Variants in ADAMTS7 observed in about 807,000 individuals in gnomAD.
ADAMTS7 encodes the protein ADAM metallopeptidase with thrombospondin type 1 motif 7.
In ADAMTS7, 89 loss-of-function variants were observed where a neutral mutation model predicts 172.6. That is an observed-to-expected ratio of 0.52 (90% CI 0.43 to 0.61). The LOEUF (loss-of-function observed/expected upper bound fraction) is 0.61. ADAMTS7 is among the 20% of genes least tolerant of loss of function. The probability of loss-of-function intolerance (pLI) is 0.00; values close to 1 mark genes in which losing one functional copy is unlikely to be tolerated. For synonymous variants in ADAMTS7, 885 were observed against 978.4 expected (o/e 0.90, Z 1.78); for missense variants, 1,973 against 2,355.6 (o/e 0.84, Z 3.36).
Position 78,767,734 on chromosome 15 carries a change from G to A in ADAMTS7, c.2646-142C>T, listed in dbSNP as rs2055180378. On this transcript the variant is annotated intron_variant, in intron 17 of 23. Transcript: ENST00000388820. ...TGAGGCCAGTGGTTGATTCTCCAGA[G>A]CTCCAAGCTCAGGTAAGTGTCCTGC... 1.4e-5 allele frequency: 11 copies of A among 786,002 alleles called. No individual in the cohort carries two copies. In the South Asian group the frequency reaches 2.0e-4, roughly 14 times the overall value. 48.7% of individuals were successfully genotyped at this position (786,002 alleles called of 1,614,324 possible).
intron 4 of ADAMTS7, among the ~76,000 whole-genome samples, chr15:78,793,081 C>G (rs1241862698): frequency 1.3e-5 from 2 of 152,180 alleles, no homozygotes; most frequent in South Asian, 2.1e-4. Flanking sequence ...GAGCTTAACA[C>G]GTACAGTCCC....
At chr15:78,781,522 C>T (rs574581600) in intron 8 of ADAMTS7, among the ~76,000 whole-genome samples, 22 of 152,290 alleles carry the variant, frequency 1.4e-4, no homozygotes, top group South Asian at 1.2e-3. Flanking sequence ...TGGGAGGCCC[C>T]GGCTGGCTCT....
intron 2 of ADAMTS7, among the ~76,000 whole-genome samples, chr15:78,799,080 G>A (rs71407294): frequency 0.3 from 43,401 of 146,230 alleles, 5,736 homozygotes; most frequent in Non-Finnish European, 0.4. Context: ...AAGATCAATT[G>A]TACATTAAGG....
chr15:78,761,359 A>G (rs1242353803), intron 23 of ADAMTS7, among the ~76,000 whole-genome samples: 5 of 152,204 alleles, frequency 3.3e-5, no homozygotes, highest in African/African-American at 9.6e-5. Context: ...CAGACAGCCA[A>G]TAGCACAGGG....
rs1319901979 is a variant in ADAMTS7, at chr15:78,766,712, A to G, written c.3199T>C (p.Tyr1067His). Residue 1067 changes from tyrosine to histidine, a missense_variant, in exon 19 of 24, where the codon TAC becomes CAC. Coordinates refer to ENST00000388820, the MANE Select transcript of ADAMTS7 (RefSeq NM_014272.5). ...PVFVDDFYYD[Y>H]NFINFHEDLS... ...TCCTCGTGGAAATTGATGAAATTGT[A>G]GTCGTAGTAGAAGTCGTCCACAAAC... 1 of 1,610,896 alleles carries G rather than the reference A, an allele frequency of 6.2e-7. No homozygotes were observed. The highest frequency in any genetic ancestry group is 2.2e-5 in the East Asian group (1 of 44,868).
At chr15:78,770,318 C>T (rs1330653076) in intron 16 of ADAMTS7, among the ~76,000 whole-genome samples, 3 of 151,250 alleles carry the variant, frequency 2.0e-5, no homozygotes, top group Admixed American at 6.6e-5. Context: ...TGAAGGAATG[C>T]TCAAATGTCT....
At position 78,796,674 on chromosome 15, in the gene ADAMTS7, CT is replaced by C; in HGVS notation, c.734del (p.Glu245GlyfsTer4). The C allele has an allele frequency of 6.2e-7, 1 of 1,614,122 alleles. No homozygotes were observed. ...TTTTGGCATCAGCTACTACCAGGGT[CT>C]CCACCCACTTCTCTTTGCTGACCGA... Reference protein sequence around the residue: ...QRSVSKEKWVETLVVADAKMV... With the variant: ...QRSVSKEKWVXTLVVADAKMV... On this transcript the variant is annotated frameshift_variant, in exon 4 of 24. Transcript: ENST00000388820. LOFTEE classifies it high-confidence loss of function.
chr15:78,771,536 T>G lies in ADAMTS7; in HGVS notation c.2376+49A>C. ...GACCTGCCATGGAGGGTGCTGGGCCTGGGGACTCCGCCTCTGCTCCCCCCG... is the reference window on the plus strand; with the variant it reads ...GACCTGCCATGGAGGGTGCTGGGCCGGGGGACTCCGCCTCTGCTCCCCCCG... On this transcript the variant is annotated intron_variant, in intron 15 of 23. Coordinates refer to ENST00000388820, the MANE Select transcript of ADAMTS7 (RefSeq NM_014272.5). This position sits in a 1 kb window ranked among gnomAD's most constrained non-coding sequence, Gnocchi z 4.9. 1 of 1,557,546 alleles carries G rather than the reference T, an allele frequency of 6.4e-7. No individual in the cohort carries two copies. Among genetic ancestry groups the G allele is most frequent in the Non-Finnish European group, 8.6e-7 (1 of 1,156,570 alleles).
At chr15:78,775,176 C>T (rs146567777) in intron 11 of ADAMTS7, among the ~76,000 whole-genome samples, 30 of 151,914 alleles carry the variant, frequency 2.0e-4, no homozygotes, top group African/African-American at 3.9e-4. Flanking sequence ...GGGACTGCTC[C>T]GAGTCTCCAG....
intron 1 of ADAMTS7, among the ~76,000 whole-genome samples, chr15:78,810,243 C>T (rs2055846718): frequency 6.6e-6 from 1 of 152,242 alleles, no homozygotes; most frequent in South Asian, 2.1e-4. Flanking sequence ...TCATGCCCCT[C>T]CTCTCCTACA....
rs773162797 is a variant in ADAMTS7, at chr15:78,788,260, G to A, written c.1293C>T (p.Cys431=). 7 of 1,613,840 alleles carry A rather than the reference G, an allele frequency of 4.3e-6. No homozygotes were observed. In the South Asian group the frequency reaches 6.6e-5, roughly 15 times the overall value. ...YDAAPLTWSR[C]SRQYITRFLD... is the part of the protein sequence containing the mutation. ...GGAACCTGGTGATATACTGGCGGCT[G>A]CAGCGGGACCAGGTGAGGGGAGCGG... Residue 431 remains cysteine (C), a synonymous_variant, in exon 8 of 24, where the codon TGC becomes TGT. Coordinates refer to ENST00000388820, the MANE Select transcript of ADAMTS7 (RefSeq NM_014272.5).
intron 8 of ADAMTS7, among the ~76,000 whole-genome samples, chr15:78,780,988 G>A (rs928911271): frequency 1.2e-4 from 18 of 152,164 alleles, no homozygotes; most frequent in South Asian, 8.3e-4. Context: ...CCTTTACCAC[G>A]GTCCCCACAC....
intron 1 of ADAMTS7, among the ~76,000 whole-genome samples, chr15:78,810,163 G>A (rs2055845622): frequency 6.6e-6 from 1 of 152,162 alleles, no homozygotes; most frequent in South Asian, 2.1e-4. Flanking sequence ...GCTCCCCAGG[G>A]GAGGGCCCCA....
intron 6 of ADAMTS7, 98 bp from the exon 7 acceptor site, chr15:78,789,936 C>T (rs1027123059): frequency 2.3e-5 from 33 of 1,455,008 alleles, no homozygotes; most frequent in Middle Eastern, 2.5e-4. Flanking sequence ...TGATCCCAAG[C>T]GAAAAGGATG....
intron 1 of ADAMTS7, among the ~76,000 whole-genome samples, chr15:78,809,630 G>A (rs1475461295): frequency 2.0e-5 from 3 of 152,140 alleles, no homozygotes; most frequent in Admixed American, 6.6e-5. Context: ...AGAATCCCAC[G>A]AGGTTGACCG....
chr15:78,787,167 T>C (rs1370538309), intron 8 of ADAMTS7, among the ~76,000 whole-genome samples: 1 of 151,886 alleles, frequency 6.6e-6, no homozygotes, highest in Non-Finnish European at 1.5e-5. Context: ...TCGAAAGTTA[T>C]ACATGGATTT....
chr15:78,790,651 C>T lies in ADAMTS7; in HGVS notation c.1028+19G>A, dbSNP rs1170760965. On this transcript the variant is annotated intron_variant, in intron 6 of 23. Transcript: ENST00000388820. Reference sequence around the variant, plus strand: ...CACCTCCTGAGATGCAGGCTCCCACCCTCCTGCGGCTGCAGTACCTGGTGA... The same window carrying T: ...CACCTCCTGAGATGCAGGCTCCCACTCTCCTGCGGCTGCAGTACCTGGTGA... 1 of 1,612,482 alleles carries T rather than the reference C, an allele frequency of 6.2e-7. No homozygotes were observed. The highest frequency in any genetic ancestry group is 1.1e-5 in the South Asian group (1 of 90,998).
chr15:78,792,189 CA>C (rs1432387794), intron 4 of ADAMTS7, among the ~76,000 whole-genome samples: 2 of 152,162 alleles, frequency 1.3e-5, no homozygotes, highest in Non-Finnish European at 2.9e-5. Flanking sequence ...GGAAGATAAA[CA>C]GCGATATCAT....
intron 1 of ADAMTS7, 36 bp from the exon 2 acceptor site, chr15:78,800,583 G>A (rs2055711958): frequency 1.3e-6 from 2 of 1,552,694 alleles, no homozygotes; most frequent in African/African-American, 1.4e-5. Flanking sequence ...TAGGCCCAGG[G>A]CAGACCCGGG....
Sources: gnomAD v4.1 joint callset for allele counts (sites outside exome capture counted in the v4.1 genomes callset) on GRCh38, gnomAD v4.1.1 for gene constraint, Gnocchi (gnomAD v3.1) non-coding constraint, MANE v1.5 for transcripts, NCBI Gene and HGNC (gene_info 2026-07-23, HGNC 2026-07-21) for gene names.